Variants in SPATA3 observed in about 807,000 individuals in gnomAD.
SPATA3 encodes spermatogenesis-associated protein 3.
A neutral mutation model predicts 5.7 loss-of-function variants in SPATA3; 6 were observed. That is an observed-to-expected ratio of 1.06 (90% CI 0.58 to 2.09). The LOEUF is 2.09. SPATA3 is among the 30% of genes most tolerant of loss of function. SPATA3 has a pLI of 0.00. For missense variants in SPATA3, 155 were observed against 130.4 expected, an observed-to-expected ratio of 1.19 and a Z score of -0.92; for synonymous variants, 44 against 48.4, an observed-to-expected ratio of 0.91 and a Z score of 0.37.
At chr2:231,017,881 G>A (rs1161510710) in intron 6 of SPATA3, among the ~76,000 whole-genome samples, 3 of 152,056 alleles carry the variant, frequency 2.0e-5, no homozygotes, top group African/African-American at 7.2e-5. Flanking sequence ...TCTCTCAGGA[G>A]AAGGAGATTA....
At chr2:230,996,763 T>C (rs1450783637) in intron 1 of SPATA3, among the ~76,000 whole-genome samples, 1 of 152,222 alleles carries the variant, frequency 6.6e-6, no homozygotes, top group Non-Finnish European at 1.5e-5. Context: ...CACATACATA[T>C]AAACATTTAA....
chr2:230,997,240 T>C (rs1446795190), intron 1 of SPATA3, among the ~76,000 whole-genome samples: 1 of 152,168 alleles, frequency 6.6e-6, no homozygotes, highest in Non-Finnish European at 1.5e-5. Flanking sequence ...AGTGAATAAG[T>C]TTCATGAGAT....
chr2:231,007,874 G>C (rs1352913267), downstream of SPATA3, among the ~76,000 whole-genome samples: 1 of 152,228 alleles, frequency 6.6e-6, no homozygotes, highest in Non-Finnish European at 1.5e-5. Flanking sequence ...GCTGGGCCTG[G>C]TGGCTCATGC....
chr2:230,999,171 G>T (rs56775214), intron 1 of SPATA3, among the ~76,000 whole-genome samples: 1,886 of 152,228 alleles, frequency 0.012, 42 homozygotes, highest in African/African-American at 0.043. Flanking sequence ...CCCACACATC[G>T]AATGATTCTA....
At chr2:231,000,311 G>C in intron 1 of SPATA3, 55 bp from the exon 2 acceptor site, 2 of 1,386,796 alleles carry the variant, frequency 1.4e-6, no homozygotes, top group Non-Finnish European at 1.9e-6. Context: ...AGACTCCCCC[G>C]CCCCAGCCTC....
downstream of SPATA3, among the ~76,000 whole-genome samples, chr2:231,011,163 C>T (rs953182996): frequency 2.0e-5 from 3 of 151,674 alleles, no homozygotes; most frequent in Non-Finnish European, 4.4e-5. Flanking sequence ...CAGTCTTGCT[C>T]TGTCGCCCAG....
intron 6 of SPATA3, chr2:231,014,287 A>C (rs920755625): frequency 6.6e-6 from 1 of 152,220 alleles, no homozygotes; most frequent in African/African-American, 2.4e-5. Context: ...AGCCTGTCAC[A>C]AGCTGATCAT....
downstream of SPATA3, among the ~76,000 whole-genome samples, chr2:231,003,394 C>A (rs550350120): frequency 2.0e-5 from 3 of 147,870 alleles, no homozygotes; most frequent in African/African-American, 5.0e-5. Flanking sequence ...GGAAGCAGAG[C>A]CTGAGACTGG....
At chr2:231,005,588 C>A (rs796587851), downstream of SPATA3, among the ~76,000 whole-genome samples, 42 of 3,470 alleles carry the variant, frequency 0.012, no homozygotes, top group East Asian at 0.019. Flanking sequence ...CATCATCATC[C>A]TCACCATCAC....
chr2:231,002,520 G>A (rs1559195728), intron 2 of SPATA3, among the ~76,000 whole-genome samples, 164 bp from the exon 3 acceptor site: 1 of 152,158 alleles, frequency 6.6e-6, no homozygotes, highest in African/African-American at 2.4e-5. Context: ...GGACTTGTTG[G>A]AAGGATGGGA....
intron 2 of SPATA3, among the ~76,000 whole-genome samples, chr2:231,000,830 C>T (rs1692326765): frequency 6.6e-6 from 1 of 152,150 alleles, no homozygotes; most frequent in South Asian, 2.1e-4. Context: ...AGATGCCCTC[C>T]CCTCCTCAGA....
downstream of SPATA3, among the ~76,000 whole-genome samples, chr2:231,010,571 T>G (rs12694884): frequency 0.72 from 109,658 of 152,098 alleles, 39,763 homozygotes; most frequent in East Asian, 0.78. Flanking sequence ...AATGGGTTCT[T>G]GTTTCTATGG....
chr2:231,005,151 CCATCACCATCACCATCATCACCATCAT>C (rs1559197384), downstream of SPATA3, among the ~76,000 whole-genome samples: 1 of 67,614 alleles, frequency 1.5e-5, no homozygotes. Flanking sequence ...ACCACCATCA[CCATCACCATCACCATCATCACCATCAT>C]CATCACCATC....
intron 6 of SPATA3, among the ~76,000 whole-genome samples, chr2:231,015,124 C>A (rs1350688585): frequency 1.3e-5 from 2 of 151,744 alleles, no homozygotes; most frequent in Non-Finnish European, 2.9e-5. Flanking sequence ...AGAGTCCCAA[C>A]TGAGGAGAGA....
At chr2:231,001,775 C>T (rs568545239) in intron 2 of SPATA3, among the ~76,000 whole-genome samples, 1 of 152,232 alleles carries the variant, frequency 6.6e-6, no homozygotes, top group African/African-American at 2.4e-5. Context: ...TTGTTGCAGT[C>T]GACATGGAGA....
At chr2:231,019,991 C>T (rs1693036698) in intron 7 of SPATA3, 1 of 146,552 alleles carries the variant, frequency 6.8e-6, no homozygotes, top group Admixed American at 6.9e-5. Context: ...CCTTTATCTA[C>T]CTAAAGTGTG....
downstream of SPATA3, among the ~76,000 whole-genome samples, chr2:231,011,085 A>AG (rs1553551876): frequency 1.6e-3 from 230 of 146,182 alleles, 2 homozygotes; most frequent in Middle Eastern, 3.7e-3. Flanking sequence ...AAAAAAAAAA[A>AG]AAAAGAAAAG....
intron 6 of SPATA3, among the ~76,000 whole-genome samples, chr2:231,015,191 G>C (rs895753387): frequency 6.6e-6 from 1 of 151,816 alleles, no homozygotes; most frequent in Non-Finnish European, 1.5e-5. Context: ...TGGAAAGAAA[G>C]GGAGTCCACC....
exon 3 of SPATA3, chr2:231,002,695 G>A: frequency 6.6e-7 from 1 of 1,513,268 alleles, no homozygotes. Context: ...AAATCTTCAA[G>A]AAAACCCTCC....
Sources: allele counts gnomAD v4.1 joint callset (sites outside exome capture counted in the v4.1 genomes callset), GRCh38; gene constraint gnomAD v4.1.1; transcripts MANE v1.5; gene names NCBI Gene and HGNC (gene_info 2026-07-23, HGNC 2026-07-21).